The following MYBBP1A variants were observed in gnomAD, a reference collection of about 807,000 sequenced individuals.
The protein encoded by MYBBP1A is MYB binding protein 1a.
A neutral mutation model predicts 136.3 loss-of-function variants in MYBBP1A; 147 were observed. The ratio of observed to expected loss-of-function variants is 1.08; its 90% CI spans 0.94 to 1.24. The LOEUF (loss-of-function observed/expected upper bound fraction) is 1.24, where lower values mean the gene tolerates loss of function less well. Ranked by LOEUF, MYBBP1A falls within the 50% of genes most tolerant of loss-of-function variation. The pLI is 0.00. For missense variants in MYBBP1A, 2,060 were observed against 1,727.4 expected, an observed-to-expected ratio of 1.19 and a Z score of -3.41; for synonymous variants, 947 against 735.8, an observed-to-expected ratio of 1.29 and a Z score of -4.65.
Position 4,548,925 on chromosome 17 carries a change from G to A in MYBBP1A, c.1431-276C>T, listed in dbSNP as rs148563294. Among the ~76,000 whole-genome samples, 74 of 152,352 alleles carry A rather than the reference G, an allele frequency of 4.9e-4. No homozygotes were observed. In the East Asian group the frequency reaches 5.4e-3, roughly 11 times the overall value. On this transcript the variant is annotated intron_variant, in intron 10 of 25. Transcript: ENST00000254718. The surrounding 1 kb of genome is among the most constrained non-coding windows in gnomAD (Gnocchi z 4.2). ...GCCCCTCTCAAGGAACCAACAGATG[G>A]GAGGCTGTGTGGTCATGGCCAAGTC... is the stretch of plus-strand genomic sequence containing the variant.
At chr17:4,545,514 C>A (rs1906923869) in intron 15 of MYBBP1A, 96 bp downstream of exon 15, 1 of 1,511,502 alleles carries the variant, frequency 6.6e-7, no homozygotes, top group African/African-American at 1.4e-5. Context: ...CCGCAGGCTC[C>A]CGGCAGGGAG....
chr17:4,542,444 G>C lies in MYBBP1A; in HGVS notation c.3087+20C>G. 6.3e-7 allele frequency: 1 copy of C among 1,596,390 alleles called. No individual in the cohort carries two copies. Among genetic ancestry groups the C allele is most frequent in the South Asian group, 1.1e-5 (1 of 89,126 alleles). On this transcript the variant is annotated intron_variant, in intron 22 of 25. Transcript: ENST00000254718. Reference sequence around the variant, plus strand: ...GTTAATTCAGACAGGCCCTGGGCTGGGAGCTGGGAAGTCTCTCACCTGATG... The same window carrying C: ...GTTAATTCAGACAGGCCCTGGGCTGCGAGCTGGGAAGTCTCTCACCTGATG...
At position 4,544,529 on chromosome 17, in the gene MYBBP1A, G is replaced by A. The variant is rs1906766251; in HGVS notation, c.2599C>T (p.Gln867Ter). Residue 867 changes from glutamine (Q) to a stop codon, truncating the protein, a stop_gained, in exon 19 of 26, where the codon CAG (glutamine) becomes TAG (stop). Coordinates refer to ENST00000254718, the MANE Select transcript of MYBBP1A (RefSeq NM_014520.4). LOFTEE classifies it high-confidence loss of function. ...GTCTTGTGCAGAAGGTCCTGCTCCTGTTTGGAGCTGCTGCTGCGCAGGCTG... is the reference window on the plus strand; with the variant it reads ...GTCTTGTGCAGAAGGTCCTGCTCCTATTTGGAGCTGCTGCTGCGCAGGCTG... ...RRSLRSSSSK[Q>*]EQDLLHKTAR... The A allele has an allele frequency of 7.7e-6, 12 of 1,554,800 alleles. No homozygotes were observed. Among genetic ancestry groups the A allele is most frequent in the Non-Finnish European group, 1.0e-5 (12 of 1,149,754 alleles).
chr17:4,544,561 A>G lies in MYBBP1A; in HGVS notation c.2567T>C (p.Ile856Thr). 6.4e-7 allele frequency: 1 copy of G among 1,568,640 alleles called. No homozygotes were observed. Among genetic ancestry groups the G allele is most frequent in the Non-Finnish European group, 8.6e-7 (1 of 1,157,332 alleles). The change falls in exon 19 of 26, where the codon ATC becomes ACC. Residue 856 changes from isoleucine to threonine, a missense_variant. Coordinates refer to ENST00000254718, the MANE Select transcript of MYBBP1A (RefSeq NM_014520.4). ...LELLEPLLSIIRRSLRSSSSK... is the reference protein window; with the variant it reads ...LELLEPLLSITRRSLRSSSSK... ...GCTGCTGCTGCGCAGGCTGCGCCGG[A>G]TGATGCTCAGCAGCGGCTCCAGCAG...
In MYBBP1A at chr17:4,539,344, TAAAA is replaced by T. The variant is rs372363229; in HGVS notation, c.*67_*70del. The T allele has an allele frequency of 4.9e-5, 68 of 1,402,060 alleles. No homozygotes were observed. The highest frequency in any genetic ancestry group is 2.2e-4 in the Admixed American group (9 of 40,474). The allele number at this position is 1,402,060 out of a possible 1,614,324, so 86.9% of individuals were successfully genotyped here. On this transcript the variant is annotated 3_prime_UTR_variant, in exon 26 of 26. Transcript: ENST00000254718. The stretch of plus-strand genomic sequence containing the variant: ...CAGCTTGCGTATTAAAATCATGGTT[TAAAA>T]AAAAAAAAAAAAAATAGGCGTCTCA...
chr17:4,549,418 C>T lies in MYBBP1A; in HGVS notation c.1344G>A (p.Leu448=), dbSNP rs1186636057. The stretch of plus-strand genomic sequence containing the variant: ...CCAATCGAAAGATGATCCATTTCCT[C>T]AGCCGGAACACAGCTCGCTCAGGCC... ...LHMPERAVFR[L]RKWIIFRLVS... is the part of the protein sequence containing the mutation. The change falls in exon 10 of 26, where the codon CTG becomes CTA. Residue 448 remains leucine (L), a synonymous_variant. Transcript: ENST00000254718. The T allele has an allele frequency of 3.1e-6, 5 of 1,613,104 alleles. No individual in the cohort carries two copies. Among genetic ancestry groups the T allele is most frequent in the East Asian group, 2.2e-5 (1 of 44,888 alleles).
chr17:4,547,998 A>G lies in MYBBP1A; in HGVS notation c.1784T>C (p.Phe595Ser). The G allele has an allele frequency of 3.9e-6, 6 of 1,536,088 alleles. No individual in the cohort carries two copies. The highest frequency in any genetic ancestry group is 5.3e-6 in the Non-Finnish European group (6 of 1,138,906). The change falls in exon 13 of 26, where the codon TTC becomes TCC. Residue 595 changes from phenylalanine (F) to serine (S), a missense_variant. By Grantham distance (155) the Phe-to-Ser change is radical. Transcript: ENST00000254718. ...AHSAEARAAA[F>S]QHLLLLVGIH... Reference sequence around the variant, plus strand: ...GCCCACGAGGAGCAGAAGGTGCTGGAAGGCAGCAGCCCTGGCCTCTGCGGA... The same window carrying G: ...GCCCACGAGGAGCAGAAGGTGCTGGGAGGCAGCAGCCCTGGCCTCTGCGGA...
chr17:4,543,369 C>T (rs528821018), intron 19 of MYBBP1A: 29 of 664,090 alleles, frequency 4.4e-5, no homozygotes, highest in South Asian at 1.9e-4. Flanking sequence ...GTGACAGGGG[C>T]GCTCCAGGGG....
At chr17:4,554,368 C>T (rs1020773030) in intron 2 of MYBBP1A, 90 bp from the exon 3 acceptor site, 22 of 1,160,776 alleles carry the variant, frequency 1.9e-5, no homozygotes, top group Non-Finnish European at 2.8e-5. Context: ...CCCCCTTCAA[C>T]TTCTCCCAAG....
chr17:4,552,614 T>A lies in MYBBP1A; in HGVS notation c.574A>T (p.Thr192Ser). ...VDILSEVSKA[T>S]LQEILPEVLK... The stretch of plus-strand genomic sequence containing the variant: ...ACCTCCGGCAGGATCTCCTGCAATG[T>A]GGCCTTCGAGACCTAAGGATGGAGG... The change falls in exon 6 of 26, where the codon ACA (threonine) becomes TCA (serine). Residue 192 changes from threonine (T) to serine (S), a missense_variant. Physicochemically the swap from Thr to Ser is moderately conservative, Grantham distance 58. Coordinates refer to ENST00000254718, the MANE Select transcript of MYBBP1A (RefSeq NM_014520.4). The surrounding 1 kb of genome is among the most constrained non-coding windows in gnomAD (Gnocchi z 4.7). 1 of 1,613,434 alleles carries A rather than the reference T, an allele frequency of 6.2e-7. No individual in the cohort carries two copies. The highest frequency in any genetic ancestry group is 8.5e-7 in the Non-Finnish European group (1 of 1,179,746).
At chr17:4,541,670 C>A in intron 23 of MYBBP1A, 106 bp from the exon 24 acceptor site, 1 of 1,422,632 alleles carries the variant, frequency 7.0e-7, no homozygotes, top group South Asian at 1.1e-5. Context: ...CCTGGGACAA[C>A]CCCAGTTCTC....
rs368587188 is a variant in MYBBP1A at position 4,549,289 on chromosome 17, G to C, written c.1430+43C>G. 10 of 1,584,448 alleles carry C rather than the reference G, an allele frequency of 6.3e-6. No homozygotes were observed. The African/African-American group carries it at 1.2e-4, about 19-fold the overall frequency. ...ACGAGTTAAGGGGCCCCATTCCTTG[G>C]CCACACGCCCATGGGAAGCTGGGAA... On this transcript the variant is annotated intron_variant, in intron 10 of 25. Coordinates refer to ENST00000254718, the MANE Select transcript of MYBBP1A (RefSeq NM_014520.4).
rs1032697966 is a variant in MYBBP1A, at chr17:4,548,416, G to T, written c.1557-106C>A. On this transcript the variant is annotated intron_variant, in intron 11 of 25. Transcript: ENST00000254718. The surrounding 1 kb of genome is among the most constrained non-coding windows in gnomAD (Gnocchi z 4.2). ...TCTCCCGCCTCTCCAGGACCTACTA[G>T]AACTCCGGGGGCCTCTGCCGTTGTT... 19 of 1,604,868 alleles carry T rather than the reference G, an allele frequency of 1.2e-5. No homozygotes were observed. The highest frequency in any genetic ancestry group is 8.3e-5 in the Admixed American group (5 of 59,994).
At position 4,548,693 on chromosome 17, in the gene MYBBP1A, G is replaced by A; in HGVS notation, c.1431-44C>T. 1 of 1,612,172 alleles carries A rather than the reference G, an allele frequency of 6.2e-7. No individual in the cohort carries two copies. The highest frequency in any genetic ancestry group is 8.5e-7 in the Non-Finnish European group (1 of 1,179,108). On this transcript the variant is annotated intron_variant, in intron 10 of 25. Transcript: ENST00000254718. The surrounding 1 kb of genome is among the most constrained non-coding windows in gnomAD (Gnocchi z 4.2). Reference sequence around the variant, plus strand: ...TGGCCATAGCCATTCACTGCCATTGGTTTTTACAGGCTCCCCTCCTTGGAT... The same window carrying A: ...TGGCCATAGCCATTCACTGCCATTGATTTTTACAGGCTCCCCTCCTTGGAT...
At position 4,551,538 on chromosome 17, in the gene MYBBP1A, G is replaced by A. The variant is rs572725788; in HGVS notation, c.1023+342C>T. Reference sequence around the variant, plus strand: ...AGCCTGGCCAACATGGCAAAATCCCGTCTCTACCAAAAATACAAAAATTAG... The same window carrying A: ...AGCCTGGCCAACATGGCAAAATCCCATCTCTACCAAAAATACAAAAATTAG... On this transcript the variant is annotated intron_variant, in intron 8 of 25. Transcript: ENST00000254718. Among the ~76,000 whole-genome samples the A allele has an allele frequency of 7.0e-4, 106 of 152,282 alleles. 1 individual carries two copies. In the Middle Eastern group the frequency reaches 0.014, roughly 20 times the overall value.
At position 4,554,012 on chromosome 17, in the gene MYBBP1A, C is replaced by T. The variant is rs541175940; in HGVS notation, c.453+7G>A. The T allele has an allele frequency of 3.1e-6, 5 of 1,614,090 alleles. No homozygotes were observed. The highest frequency in any genetic ancestry group is 2.7e-5 in the African/African-American group (2 of 75,056). On this transcript the variant is annotated splice_region_variant and intron_variant, in intron 4 of 25. Transcript: ENST00000254718. ...CTACATTCCCCCAGTCCCTCCAAAG[C>T]TCTTACCTTCACCAGCCGACCTGAC...
At chr17:4,542,266 G>T in intron 22 of MYBBP1A, 198 bp downstream of exon 22, 1 of 638,220 alleles carries the variant, frequency 1.6e-6, no homozygotes, top group Non-Finnish European at 2.7e-6. Flanking sequence ...CAGCTCCTGT[G>T]TGTTCACTGT....
Position 4,542,652 on chromosome 17 carries a change from T to C in MYBBP1A, c.2982A>G (p.Thr994=), listed in dbSNP as rs763996333. The C allele has an allele frequency of 6.2e-7, 1 of 1,613,918 alleles. No homozygotes were observed. Among genetic ancestry groups the C allele is most frequent in the East Asian group, 2.2e-5 (1 of 44,864 alleles). ...AGAAGAGGCTGAGGAACATGGGAACTGTGAGGGGGCTGTTGCGCTTGGTCA... is the reference window on the plus strand; with the variant it reads ...AGAAGAGGCTGAGGAACATGGGAACCGTGAGGGGGCTGTTGCGCTTGGTCA... The part of the protein sequence containing the change: ...SFLTKRNSPL[T]VPMFLSLFSR... Residue 994 remains threonine, a synonymous_variant, in exon 21 of 26, where the codon ACA becomes ACG. Coordinates refer to ENST00000254718, the MANE Select transcript of MYBBP1A (RefSeq NM_014520.4).
rs561903675 is a variant in MYBBP1A, at chr17:4,543,475, G to C, written c.2640-310C>G. On this transcript the variant is annotated intron_variant, in intron 19 of 25. Transcript: ENST00000254718. ...TACACTTGTCTCTCATGGGGCAGTGGCCTTCAGGCCTTTTGTAAAGCGAGA... is the reference window on the plus strand; with the variant it reads ...TACACTTGTCTCTCATGGGGCAGTGCCCTTCAGGCCTTTTGTAAAGCGAGA... Among the ~76,000 whole-genome samples, 5 of 152,302 alleles carry C rather than the reference G, an allele frequency of 3.3e-5. No homozygotes were observed. The South Asian group carries it at 1.0e-3, about 32-fold the overall frequency.
Sources: allele counts gnomAD v4.1 joint callset (sites outside exome capture counted in the v4.1 genomes callset), GRCh38; gene constraint gnomAD v4.1.1; non-coding constraint Gnocchi (gnomAD v3.1); transcripts MANE v1.5; gene names NCBI Gene and HGNC (gene_info 2026-07-23, HGNC 2026-07-21).